The following FARS2 variants were observed in gnomAD, a reference collection of about 807,000 sequenced individuals.
FARS2 encodes the protein phenylalanyl-tRNA synthetase 2, mitochondrial, also known as phenylalanine--tRNA ligase, mitochondrial.
In FARS2, 40 loss-of-function variants were observed where a neutral mutation model predicts 46.4. That is an observed-to-expected ratio of 0.86 (90% CI 0.67 to 1.12). FARS2 has a LOEUF of 1.12. Among genes scored for constraint, FARS2 ranks in the 50% most tolerant of loss-of-function variants. The pLI is 0.00. For missense variants in FARS2, 513 were observed against 567.9 expected (o/e 0.90, Z 0.98); for synonymous variants, 234 against 214.9 (o/e 1.09, Z -0.78).
chr6:5,526,573 A>G (rs571992802), intron 4 of FARS2, among the ~76,000 whole-genome samples: 5 of 152,302 alleles, frequency 3.3e-5, no homozygotes, highest in African/African-American at 9.6e-5. Context: ...TAGTGGAGAT[A>G]TGAAAGCCAC....
chr6:5,495,755 A>G (rs1388562911), intron 4 of FARS2, among the ~76,000 whole-genome samples: 3 of 152,256 alleles, frequency 2.0e-5, no homozygotes, highest in Admixed American at 6.5e-5. Flanking sequence ...TTATCTTCTC[A>G]GTTGAAGTAA....
chr6:5,615,033 A>G (rs1453294440), intron 6 of FARS2, among the ~76,000 whole-genome samples: 1 of 152,106 alleles, frequency 6.6e-6, no homozygotes, highest in African/African-American at 2.4e-5. Flanking sequence ...TTTTGTTTTA[A>G]AGGATTCCTT....
At chr6:5,668,700 T>G (rs1582713231) in intron 6 of FARS2, among the ~76,000 whole-genome samples, 1 of 145,230 alleles carries the variant, frequency 6.9e-6, no homozygotes, top group African/African-American at 2.5e-5. Context: ...TTTTTTTTTT[T>G]TTTTTTTTTT....
At chr6:5,638,686 C>T (rs1776663335) in intron 6 of FARS2, among the ~76,000 whole-genome samples, 1 of 152,248 alleles carries the variant, frequency 6.6e-6, no homozygotes, top group African/African-American at 2.4e-5. Flanking sequence ...TCCCATCCCC[C>T]CGGCTGTGGC....
At chr6:5,556,713 G>A (rs569961496) in intron 5 of FARS2, among the ~76,000 whole-genome samples, 2 of 152,060 alleles carry the variant, frequency 1.3e-5, no homozygotes, top group African/African-American at 4.8e-5. Flanking sequence ...AAAAATGAAC[G>A]ATCTAGGTCC....
intron 1 of FARS2, among the ~76,000 whole-genome samples, chr6:5,284,378 T>G (rs1011532317): frequency 6.6e-6 from 1 of 152,186 alleles, no homozygotes; most frequent in Non-Finnish European, 1.5e-5. Flanking sequence ...TGGTCCAATG[T>G]CTGGGGAGCT....
At chr6:5,334,414 A>G (rs1033985393) in intron 1 of FARS2, among the ~76,000 whole-genome samples, 2 of 152,394 alleles carry the variant, frequency 1.3e-5, no homozygotes, top group African/African-American at 4.8e-5. Flanking sequence ...ATGAAAAGAC[A>G]TAAGTATTTC....
intron 6 of FARS2, among the ~76,000 whole-genome samples, chr6:5,622,307 G>A (rs1308446692): frequency 6.6e-6 from 1 of 152,164 alleles, no homozygotes; most frequent in Non-Finnish European, 1.5e-5. Flanking sequence ...AGAACTCTGT[G>A]TAACTGCAGC....
intron 5 of FARS2, among the ~76,000 whole-genome samples, chr6:5,578,763 C>T (rs1265431939): frequency 4.9e-5 from 7 of 142,862 alleles, no homozygotes; most frequent in Admixed American, 2.9e-4. Flanking sequence ...GAGCCCAGAT[C>T]GTGCCACTGC....
intron 3 of FARS2, among the ~76,000 whole-genome samples, chr6:5,427,481 G>C (rs1339508093): frequency 6.6e-6 from 1 of 152,200 alleles, no homozygotes. Context: ...TATAGATTTG[G>C]CATTCTTTGT....
rs373406765 is a variant in FARS2, at chr6:5,340,835, CAG to C, written c.-21-27714_-21-27713del. On this transcript the variant is annotated intron_variant, in intron 1 of 6. Transcript: ENST00000274680. ...AGGAACCATCTGCCTGGGGGCTTGA[CAG>C]GGAATAGAAGACACAAAATGGATGA... 3.7e-4 allele frequency among the ~76,000 whole-genome samples: 56 copies of C among 151,860 alleles called. No homozygotes were observed. The South Asian group carries it at 9.2e-3, about 25-fold the overall frequency.
At chr6:5,506,208 C>T (rs996327033) in intron 4 of FARS2, among the ~76,000 whole-genome samples, 3 of 152,192 alleles carry the variant, frequency 2.0e-5, no homozygotes, top group African/African-American at 7.2e-5. Flanking sequence ...TAGATCAGCT[C>T]CGCCTCATCC....
intron 2 of FARS2, among the ~76,000 whole-genome samples, 186 bp downstream of exon 2, chr6:5,369,368 G>A (rs186789484): frequency 2.4e-4 from 37 of 152,202 alleles, no homozygotes; most frequent in African/African-American, 7.7e-4. Flanking sequence ...CCGCTTTGTT[G>A]TGTTAGTAAC....
chr6:5,456,172 C>A (rs2150284434), intron 4 of FARS2, among the ~76,000 whole-genome samples: 1 of 151,994 alleles, frequency 6.6e-6, no homozygotes, highest in Middle Eastern at 3.4e-3. Flanking sequence ...TGTGATTGTG[C>A]CACTGCATTC....
intron 4 of FARS2, among the ~76,000 whole-genome samples, chr6:5,529,541 C>G (rs936278078): frequency 4.6e-5 from 7 of 152,172 alleles, no homozygotes; most frequent in Admixed American, 3.9e-4. Flanking sequence ...CTCTTGACCT[C>G]GTGATCCACC....
At chr6:5,432,342 A>T (rs1461917003) in intron 4 of FARS2, among the ~76,000 whole-genome samples, 590 of 34,258 alleles carry the variant, frequency 0.017, 6 homozygotes, top group South Asian at 0.05. Context: ...ATATATATAT[A>T]TATATATATT....
intron 4 of FARS2, among the ~76,000 whole-genome samples, chr6:5,474,955 T>C (rs1461373768): frequency 6.6e-6 from 1 of 152,048 alleles, no homozygotes; most frequent in East Asian, 1.9e-4. Context: ...ACCACGCCGG[T>C]GCCCAGCCCA....
intron 4 of FARS2, among the ~76,000 whole-genome samples, chr6:5,487,493 A>G (rs887694219): frequency 2.0e-5 from 3 of 152,170 alleles, no homozygotes; most frequent in Admixed American, 6.5e-5. Flanking sequence ...TATGTTTAAT[A>G]CCTACAACAG....
chr6:5,417,383 A>C (rs1762299820), intron 3 of FARS2, among the ~76,000 whole-genome samples: 1 of 151,824 alleles, frequency 6.6e-6, no homozygotes, highest in South Asian at 2.1e-4. Flanking sequence ...CACCCCGCTA[A>C]CTTTTAAAAT....
Sources: gnomAD v4.1 joint callset for allele counts (sites outside exome capture counted in the v4.1 genomes callset) on GRCh38, gnomAD v4.1.1 for gene constraint, MANE v1.5 for transcripts, NCBI Gene and HGNC (gene_info 2026-07-23, HGNC 2026-07-21) for gene names.